The following YES1 variants were observed in gnomAD, a reference collection of about 807,000 sequenced individuals.
YES1 encodes tyrosine-protein kinase Yes.
YES1 carries 39 observed loss-of-function variants against 70.4 expected under a neutral mutation model. The observed-to-expected ratio is 0.55, with a 90% CI of 0.43 to 0.72. YES1 has a LOEUF of 0.72. Among genes scored for constraint, YES1 ranks in the 30% least tolerant of loss-of-function variants. YES1 has a pLI of 0.00. For synonymous variants in YES1, 198 were observed against 218.6 expected (o/e 0.91, Z 0.83); for missense variants, 495 against 644.8 (o/e 0.77, Z 2.52).
intron 1 of YES1, among the ~76,000 whole-genome samples, chr18:792,465 T>A (rs949422673): frequency 5.9e-5 from 9 of 152,176 alleles, no homozygotes; most frequent in Middle Eastern, 3.4e-3. Flanking sequence ...AAGGCTGTAG[T>A]GTGCCATAGT....
intron 1 of YES1, among the ~76,000 whole-genome samples, chr18:808,936 A>G (rs988901354): frequency 6.6e-6 from 1 of 152,352 alleles, no homozygotes; most frequent in South Asian, 2.1e-4. Flanking sequence ...GGCATTCTTA[A>G]GAATAGAAAA....
Position 756,776 on chromosome 18 carries a change from G to C in YES1, c.52C>G (p.Pro18Ala). Residue 18 changes from proline to alanine, a missense_variant, in exon 2 of 12, where the codon CCT becomes GCT. This residue lies in a region of YES1 where 110 missense variants were observed against 104.0 expected (regional missense o/e 1.06). Transcript: ENST00000314574. ...ENKSPAIKYR[P>A]ENTPEPVSTS... is the part of the protein sequence containing the mutation. ...CTGACAGGCTCTGGAGTATTTTCAG[G>C]TCTGTATTTAATGGCTGGACTTTTG... The C allele has an allele frequency of 6.2e-7, 1 of 1,614,110 alleles. No homozygotes were observed. The highest frequency in any genetic ancestry group is 8.5e-7 in the Non-Finnish European group (1 of 1,180,008).
chr18:734,215 G>T (rs1051091037), intron 10 of YES1, among the ~76,000 whole-genome samples: 3 of 151,276 alleles, frequency 2.0e-5, no homozygotes, highest in African/African-American at 7.3e-5. Flanking sequence ...GGGGGCAGAG[G>T]TTGCAGTGAG....
chr18:768,621 C>T (rs1357090128), intron 1 of YES1, among the ~76,000 whole-genome samples: 1 of 152,120 alleles, frequency 6.6e-6, no homozygotes, highest in Non-Finnish European at 1.5e-5. Context: ...AAGGAGGGAC[C>T]ACATATATGA....
chr18:772,290 A>C (rs1484866615), intron 1 of YES1, among the ~76,000 whole-genome samples: 1 of 151,812 alleles, frequency 6.6e-6, no homozygotes, highest in Non-Finnish European at 1.5e-5. Flanking sequence ...CGGCCTCCCA[A>C]AGTGCTGGGA....
chr18:810,327 A>G (rs1907310705), intron 1 of YES1, among the ~76,000 whole-genome samples: 1 of 152,188 alleles, frequency 6.6e-6, no homozygotes, highest in Admixed American at 6.5e-5. Context: ...CATAGACATT[A>G]ATTTTTCAGC....
intron 1 of YES1, among the ~76,000 whole-genome samples, chr18:803,292 C>T (rs1367505649): frequency 6.6e-6 from 1 of 152,194 alleles, no homozygotes; most frequent in Non-Finnish European, 1.5e-5. Flanking sequence ...TTTGGAAACA[C>T]ATTTCAAAGA....
intron 1 of YES1, among the ~76,000 whole-genome samples, chr18:805,041 A>G (rs1907030180): frequency 1.3e-5 from 2 of 152,096 alleles, no homozygotes; most frequent in African/African-American, 4.8e-5. Flanking sequence ...ATCTTTACTT[A>G]TATCTAATGT....
At chr18:760,295 C>A (rs989773935) in intron 1 of YES1, among the ~76,000 whole-genome samples, 2 of 152,062 alleles carry the variant, frequency 1.3e-5, no homozygotes, top group African/African-American at 2.4e-5. Context: ...CATGGTGAAA[C>A]CCTGCCTCTA....
intron 1 of YES1, among the ~76,000 whole-genome samples, chr18:777,290 T>C (rs1431691486): frequency 1.3e-5 from 2 of 152,218 alleles, no homozygotes; most frequent in Non-Finnish European, 2.9e-5. Context: ...ATAAAGACAT[T>C]CATTTAATTT....
At chr18:806,582 T>C (rs1488078359) in intron 1 of YES1, among the ~76,000 whole-genome samples, 2 of 151,796 alleles carry the variant, frequency 1.3e-5, no homozygotes, top group East Asian at 1.9e-4. Flanking sequence ...ATTTATTTAG[T>C]ATTTATTGTG....
At chr18:729,029 GTTA>G (rs2080054710) in intron 11 of YES1, among the ~76,000 whole-genome samples, 2 of 152,228 alleles carry the variant, frequency 1.3e-5, no homozygotes, top group Admixed American at 6.5e-5. Flanking sequence ...TAAAAATGTT[GTTA>G]CTGTTTCATT....
At chr18:758,443 G>A (rs10460020) in intron 1 of YES1, among the ~76,000 whole-genome samples, 86,776 of 151,882 alleles carry the variant, frequency 0.57, 25,569 homozygotes, top group African/African-American at 0.72. Context: ...ATTTCCTACT[G>A]TCCTCATACT....
At chr18:812,300 G>C (rs1907444504), upstream of YES1, 1 of 143,124 alleles carries the variant, frequency 7.0e-6, no homozygotes, top group Non-Finnish European at 1.5e-5. Context: ...GGCTCCCCAC[G>C]CCTCGGCCTC....
rs1298176888 is a variant in YES1, at chr18:723,703, T to C, written c.*721A>G. 6.5e-6 allele frequency: 1 copy of C among 152,672 alleles called. No homozygotes were observed. The highest frequency in any genetic ancestry group is 1.5e-5 in the Non-Finnish European group (1 of 68,048). The allele number at this position is 152,672 out of a possible 1,614,324, so 9.5% of individuals were successfully genotyped here. A position where few individuals can be genotyped will look rare whatever the true frequency, so the allele number is the denominator to read the frequency against. ...ATACAAGATTAACTCACTTTCTAGT[T>C]ACCTTCATTATTCTAAGTCAAACTC... On this transcript the variant is annotated 3_prime_UTR_variant, in exon 12 of 12. Coordinates refer to ENST00000314574, the MANE Select transcript of YES1 (RefSeq NM_005433.4).
At chr18:772,400 C>T (rs1357200715) in intron 1 of YES1, among the ~76,000 whole-genome samples, 1 of 151,818 alleles carries the variant, frequency 6.6e-6, no homozygotes, top group African/African-American at 2.4e-5. Flanking sequence ...CTTATCGCTT[C>T]CCTACCATAA....
chr18:754,200 G>C lies in YES1; in HGVS notation c.271+2357C>G, dbSNP rs144872080. Among the ~76,000 whole-genome samples, 18 of 152,132 alleles carry C rather than the reference G, an allele frequency of 1.2e-4. 1 individual carries two copies. Among genetic ancestry groups the C allele is most frequent in the South Asian group, 1.0e-3 (5 of 4,816 alleles). Reference sequence around the variant, plus strand: ...CTAGCTTTGAATAAAACCTAAACTCGCTACCAGAGTCTGTGGGGTCCTGAG... The same window carrying C: ...CTAGCTTTGAATAAAACCTAAACTCCCTACCAGAGTCTGTGGGGTCCTGAG... On this transcript the variant is annotated intron_variant, in intron 2 of 11. Coordinates refer to ENST00000314574, the MANE Select transcript of YES1 (RefSeq NM_005433.4).
At chr18:806,110 T>C (rs1302602522) in intron 1 of YES1, among the ~76,000 whole-genome samples, 1 of 152,238 alleles carries the variant, frequency 6.6e-6, no homozygotes, top group Non-Finnish European at 1.5e-5. Flanking sequence ...GGACTTCTTT[T>C]TCTTTTTGTC....
At chr18:739,845 A>C (rs575396824) in intron 8 of YES1, 34 bp from the exon 9 acceptor site, 1 of 1,535,732 alleles carries the variant, frequency 6.5e-7, no homozygotes, top group Non-Finnish European at 8.9e-7. Flanking sequence ...ATAAAAAATA[A>C]GCAAATCTTA....
Sources: gnomAD v4.1 joint callset for allele counts (sites outside exome capture counted in the v4.1 genomes callset) on GRCh38, gnomAD v4.1.1 for gene constraint, gnomAD v4.1.1 regional missense constraint, MANE v1.5 for transcripts, NCBI Gene and HGNC (gene_info 2026-07-23, HGNC 2026-07-21) for gene names.